SRPK2: variants seen among roughly 807,000 people sequenced by gnomAD.
The protein encoded by SRPK2 is SRSF protein kinase 2.
SRPK2 carries 21 observed loss-of-function variants against 90.8 expected under a neutral mutation model. The ratio of observed to expected loss-of-function variants is 0.23; its 90% CI spans 0.16 to 0.33. The LOEUF is 0.33. Among genes scored for constraint, SRPK2 ranks in the 10% least tolerant of loss-of-function variants. The pLI is 1.00. For synonymous variants in SRPK2, 288 were observed against 311.1 expected (o/e 0.93, Z 0.78); for missense variants, 620 against 869.0 (o/e 0.71, Z 3.60).
At chr7:105,333,343 C>A (rs1814674416) in intron 2 of SRPK2, among the ~76,000 whole-genome samples, 1 of 152,110 alleles carries the variant, frequency 6.6e-6, no homozygotes, top group African/African-American at 2.4e-5. Flanking sequence ...TAAGTAATAA[C>A]ATTTAGCAGT....
intron 2 of SRPK2, among the ~76,000 whole-genome samples, chr7:105,367,218 C>G (rs568376833): frequency 6.6e-6 from 1 of 152,122 alleles, no homozygotes; most frequent in East Asian, 1.9e-4. Context: ...ACGCAATTTA[C>G]TGGAGACAAG....
chr7:105,367,035 T>C (rs1819146993), intron 2 of SRPK2, among the ~76,000 whole-genome samples: 1 of 151,998 alleles, frequency 6.6e-6, no homozygotes, highest in Non-Finnish European at 1.5e-5. Context: ...GTGAAATATA[T>C]GTAAGAAAAA....
chr7:105,251,172 T>G (rs185597229), intron 2 of SRPK2, among the ~76,000 whole-genome samples: 2 of 152,258 alleles, frequency 1.3e-5, no homozygotes, highest in East Asian at 3.9e-4. Context: ...AATAAATACA[T>G]CAATACACCT....
chr7:105,366,152 C>T (rs1422275522), intron 2 of SRPK2, among the ~76,000 whole-genome samples: 1 of 152,018 alleles, frequency 6.6e-6, no homozygotes, highest in Non-Finnish European at 1.5e-5. Context: ...CGCACCCGGC[C>T]TAATGATTTT....
At chr7:105,390,013 A>G (rs987988218), upstream of SRPK2, among the ~76,000 whole-genome samples, 1 of 152,224 alleles carries the variant, frequency 6.6e-6, no homozygotes, top group African/African-American at 2.4e-5. Context: ...GGAAAATACA[A>G]TTAACAGCCA....
intron 2 of SRPK2, among the ~76,000 whole-genome samples, chr7:105,266,631 T>G (rs920937587): frequency 6.6e-6 from 1 of 152,090 alleles, no homozygotes; most frequent in African/African-American, 2.4e-5. Flanking sequence ...GCACCATGCC[T>G]CAAACCATTA....
chr7:105,167,982 A>G, intron 5 of SRPK2, 26 bp downstream of exon 5: 2 of 1,525,626 alleles, frequency 1.3e-6, no homozygotes, highest in Non-Finnish European at 1.8e-6. Flanking sequence ...GTTTTCTTAT[A>G]TCATTCACAT....
intron 2 of SRPK2, among the ~76,000 whole-genome samples, chr7:105,284,612 G>C (rs1161064059): frequency 1.3e-5 from 2 of 152,190 alleles, no homozygotes; most frequent in Admixed American, 1.3e-4. Context: ...TATAAGGCTT[G>C]TCAATTCACC....
chr7:105,159,464 A>AAAAAAAAAAAAAAAAAAAAAAAAAAC (rs1807168874), intron 7 of SRPK2, among the ~76,000 whole-genome samples: 6 of 141,682 alleles, frequency 4.2e-5, no homozygotes, highest in African/African-American at 1.5e-4. Flanking sequence ...AAAAAAAAAA[A>AAAAAAAAAAAAAAAAAAAAAAAAAAC]AAAAAAAAAC....
At chr7:105,255,455 T>C (rs1803140948) in intron 2 of SRPK2, among the ~76,000 whole-genome samples, 1 of 151,396 alleles carries the variant, frequency 6.6e-6, no homozygotes, top group Non-Finnish European at 1.5e-5. Context: ...GGAGGGTAGG[T>C]GAAGGGAGGA....
At chr7:105,385,456 G>C (rs1437812199) in intron 2 of SRPK2, among the ~76,000 whole-genome samples, 1 of 152,042 alleles carries the variant, frequency 6.6e-6, no homozygotes, top group African/African-American at 2.4e-5. Context: ...GATTACAGGC[G>C]TGAGCCACCG....
chr7:105,335,479 G>T (rs866401798), intron 2 of SRPK2, among the ~76,000 whole-genome samples: 1 of 151,900 alleles, frequency 6.6e-6, no homozygotes, highest in Non-Finnish European at 1.5e-5. Flanking sequence ...GGGAAATACA[G>T]TGAGACCTCA....
intron 13 of SRPK2, among the ~76,000 whole-genome samples, chr7:105,131,338 A>G (rs1801970914): frequency 6.6e-6 from 1 of 152,192 alleles, no homozygotes; most frequent in Admixed American, 6.5e-5. Flanking sequence ...CTGGGGTCAC[A>G]CAGAGAGGGT....
intron 2 of SRPK2, among the ~76,000 whole-genome samples, chr7:105,267,850 CAA>C (rs1374383226): frequency 6.6e-6 from 1 of 151,882 alleles, no homozygotes; most frequent in African/African-American, 2.4e-5. Flanking sequence ...CATCTATGAA[CAA>C]AAAAGATAAC....
At chr7:105,301,537 C>G (rs557704029) in intron 2 of SRPK2, 2 of 1,529,892 alleles carry the variant, frequency 1.3e-6, no homozygotes, top group African/African-American at 2.7e-5. Flanking sequence ...CAACGAGGAC[C>G]AGGAGATGGA....
At chr7:105,171,582 A>G (rs1791157561) in intron 3 of SRPK2, among the ~76,000 whole-genome samples, 1 of 152,248 alleles carries the variant, frequency 6.6e-6, no homozygotes, top group South Asian at 2.1e-4. Context: ...ATCCTTCAAT[A>G]TATTCCCAGA....
chr7:105,129,681 T>C (rs1056819163), intron 13 of SRPK2, among the ~76,000 whole-genome samples: 5 of 152,162 alleles, frequency 3.3e-5, no homozygotes, highest in Non-Finnish European at 7.4e-5. Flanking sequence ...GGCCTAAGTA[T>C]AATCTTTATT....
chr7:105,314,493 T>C (rs958385757), intron 2 of SRPK2, among the ~76,000 whole-genome samples: 1 of 152,024 alleles, frequency 6.6e-6, no homozygotes, highest in African/African-American at 2.4e-5. Context: ...TTCAAGCAAT[T>C]CTGCCTCAGC....
intron 2 of SRPK2, among the ~76,000 whole-genome samples, chr7:105,235,030 C>T (rs1366973942): frequency 1.3e-5 from 2 of 152,046 alleles, no homozygotes; most frequent in Non-Finnish European, 2.9e-5. Context: ...CATCAGCTAT[C>T]GTTAGTGTTA....
Sources: gnomAD v4.1 joint callset for allele counts (sites outside exome capture counted in the v4.1 genomes callset) on GRCh38, gnomAD v4.1.1 for gene constraint, MANE v1.5 for transcripts, NCBI Gene and HGNC (gene_info 2026-07-23, HGNC 2026-07-21) for gene names.